Variants in RPH3AL observed in about 807,000 individuals in gnomAD.
RPH3AL encodes rabphilin 3A like (without C2 domains).
In RPH3AL, 38 loss-of-function variants were observed where a neutral mutation model predicts 43.1. The observed-to-expected ratio is 0.88, with a 90% CI of 0.68 to 1.15. The LOEUF is 1.15. RPH3AL is among the 50% of genes most tolerant of loss of function. The probability of loss-of-function intolerance (pLI) is 0.00; values close to 1 mark genes in which losing one functional copy is unlikely to be tolerated. For missense variants in RPH3AL, 462 were observed against 423.2 expected (o/e 1.09, Z -0.81); for synonymous variants, 189 against 176.3 (o/e 1.07, Z -0.57).
In RPH3AL at chr17:333,283, G is replaced by T; in HGVS notation, c.-37+476C>A. 7.8e-7 allele frequency: 1 copy of T among 1,287,896 alleles called. No individual in the cohort carries two copies. The highest frequency in any genetic ancestry group is 1.2e-5 in the South Asian group (1 of 80,942). 79.8% of individuals were successfully genotyped at this position (1,287,896 alleles called of 1,614,324 possible). A position where few individuals can be genotyped will look rare whatever the true frequency, so the allele number is the denominator to read the frequency against. ...AGACGGCCATTATGCAGCCTCACGT[G>T]GTCACTCCTGGGGGCGGTAGGATAT... On this transcript the variant is annotated intron_variant, in intron 2 of 9. Coordinates refer to ENST00000331302, the MANE Select transcript of RPH3AL (RefSeq NM_006987.4). This position sits in a 1 kb window ranked among gnomAD's most constrained non-coding sequence, Gnocchi z 4.5.
At chr17:236,651 G>C (rs1006333093) in intron 7 of RPH3AL, among the ~76,000 whole-genome samples, 1 of 152,250 alleles carries the variant, frequency 6.6e-6, no homozygotes, top group Non-Finnish European at 1.5e-5. Context: ...CAGCCGCCCT[G>C]TCTGTCTCCT....
At chr17:336,292 A>T (rs566852340) in intron 1 of RPH3AL, among the ~76,000 whole-genome samples, 12 of 152,280 alleles carry the variant, frequency 7.9e-5, no homozygotes, top group African/African-American at 2.9e-4. Context: ...CGGCGCTGGG[A>T]GGATTAAAGA....
chr17:316,820 C>T (rs1425031453), intron 5 of RPH3AL, among the ~76,000 whole-genome samples: 6 of 149,874 alleles, frequency 4.0e-5, no homozygotes, highest in Non-Finnish European at 7.4e-5. Context: ...CCCCCACCTC[C>T]ATTGACCTGT....
chr17:341,333 G>A (rs1021824408), intron 1 of RPH3AL: 1 of 152,060 alleles, frequency 6.6e-6, no homozygotes, highest in African/African-American at 2.4e-5. Context: ...ATAGAACTGA[G>A]AGCCCAGAAA....
chr17:331,492 C>G (rs919407420), intron 2 of RPH3AL: 5 of 1,133,174 alleles, frequency 4.4e-6, no homozygotes, highest in Non-Finnish European at 5.7e-6. Flanking sequence ...CACCCCCACC[C>G]TGGCCGTGGC....
chr17:249,929 CGTCGCTGCGGG>C (rs2041850097), intron 6 of RPH3AL, among the ~76,000 whole-genome samples: 4 of 149,898 alleles, frequency 2.7e-5, no homozygotes, highest in African/African-American at 7.4e-5. Context: ...TACTAAGCTC[CGTCGCTGCGGG>C]ACCTCTCAGA....
intron 1 of RPH3AL, among the ~76,000 whole-genome samples, chr17:348,003 C>CA (rs58119082): frequency 0.4 from 55,341 of 137,874 alleles, 10,772 homozygotes; most frequent in African/African-American, 0.47. Context: ...CCATCTCTAC[C>CA]AAAAAAAAAA....
At chr17:316,493 C>A (rs1182716043) in intron 5 of RPH3AL, among the ~76,000 whole-genome samples, 8 of 150,644 alleles carry the variant, frequency 5.3e-5, no homozygotes, top group African/African-American at 2.0e-4. Context: ...CCTCCACTGA[C>A]CTGTAGTCTC....
chr17:304,837 A>G (rs1168065757), intron 5 of RPH3AL, among the ~76,000 whole-genome samples: 2 of 146,952 alleles, frequency 1.4e-5, no homozygotes, highest in East Asian at 4.1e-4. Flanking sequence ...ATGATTTAAA[A>G]CCTGTTTCTG....
At chr17:312,226 A>C (rs1344630887) in intron 5 of RPH3AL, among the ~76,000 whole-genome samples, 1 of 152,094 alleles carries the variant, frequency 6.6e-6, no homozygotes, top group Admixed American at 6.5e-5. Flanking sequence ...GCAGGACCCC[A>C]GGAGTTGAAG....
intron 7 of RPH3AL, among the ~76,000 whole-genome samples, chr17:233,694 T>C (rs2041283921): frequency 6.6e-6 from 1 of 152,226 alleles, no homozygotes; most frequent in Non-Finnish European, 1.5e-5. Context: ...GTCTGTCTTC[T>C]TTCTTTTCAC....
chr17:230,618 G>C (rs2151513720), intron 7 of RPH3AL, among the ~76,000 whole-genome samples: 1 of 152,316 alleles, frequency 6.6e-6, no homozygotes, highest in African/African-American at 2.4e-5. Flanking sequence ...AGGCATACAG[G>C]GGACATGGCC....
intron 5 of RPH3AL, among the ~76,000 whole-genome samples, chr17:311,399 C>T (rs1054736253): frequency 2.0e-5 from 3 of 152,176 alleles, no homozygotes; most frequent in South Asian, 2.1e-4. Context: ...TTCCCCTCCC[C>T]GGATGCCCTT....
intron 3 of RPH3AL, among the ~76,000 whole-genome samples, chr17:326,465 G>A (rs531323029): frequency 1.3e-5 from 2 of 152,284 alleles, no homozygotes; most frequent in African/African-American, 4.8e-5. Flanking sequence ...CCCCTCTGAG[G>A]GACAGCGAGG....
intron 5 of RPH3AL, among the ~76,000 whole-genome samples, chr17:292,407 C>G (rs1477189568): frequency 6.6e-6 from 1 of 152,224 alleles, no homozygotes; most frequent in Non-Finnish European, 1.5e-5. Context: ...TATATACTTT[C>G]TCGGGTACTT....
chr17:266,733 G>A (rs556229743), intron 6 of RPH3AL, among the ~76,000 whole-genome samples: 1 of 152,368 alleles, frequency 6.6e-6, no homozygotes, highest in South Asian at 2.1e-4. Flanking sequence ...AATTCTGAGG[G>A]TGCTGTTTTC....
intron 6 of RPH3AL, among the ~76,000 whole-genome samples, chr17:277,595 G>A (rs958375379): frequency 6.6e-6 from 1 of 152,188 alleles, no homozygotes; most frequent in African/African-American, 2.4e-5. Context: ...TAAAAGAGGG[G>A]GAGATCGGAT....
intron 4 of RPH3AL, among the ~76,000 whole-genome samples, 166 bp from the exon 5 acceptor site, chr17:319,715 A>C (rs2044406149): frequency 6.7e-6 from 1 of 150,068 alleles, no homozygotes; most frequent in Non-Finnish European, 1.5e-5. Flanking sequence ...TCACTCACCA[A>C]CTATTCAGTG....
At chr17:291,310 T>TG (rs1292700934) in intron 5 of RPH3AL, among the ~76,000 whole-genome samples, 2 of 151,962 alleles carry the variant, frequency 1.3e-5, no homozygotes, top group Non-Finnish European at 2.9e-5. Context: ...GAGGCCGAGG[T>TG]GGGGGGATTT....
Sources: gnomAD v4.1 joint callset for allele counts (sites outside exome capture counted in the v4.1 genomes callset) on GRCh38, gnomAD v4.1.1 for gene constraint, Gnocchi (gnomAD v3.1) non-coding constraint, MANE v1.5 for transcripts, NCBI Gene and HGNC (gene_info 2026-07-23, HGNC 2026-07-21) for gene names.